Variants in GLI4 observed in about 807,000 individuals in gnomAD.
GLI4 encodes zinc finger protein GLI4.
Under a neutral mutation model 30.9 loss-of-function variants are expected in GLI4, and 34 were observed. The ratio of observed to expected loss-of-function variants is 1.10; its 90% CI spans 0.84 to 1.47. The LOEUF is 1.47. GLI4 is among the 40% of genes most tolerant of loss of function. The probability of loss-of-function intolerance (pLI) is 0.00; values close to 1 mark genes in which losing one functional copy is unlikely to be tolerated. For synonymous variants in GLI4, 277 were observed against 236.7 expected, an observed-to-expected ratio of 1.17 and a Z score of -1.56; for missense variants, 696 against 538.9, an observed-to-expected ratio of 1.29 and a Z score of -2.89.
In GLI4 at chr8:143,275,954, A is replaced by AG; in HGVS notation, c.286dup (p.Ala96GlyfsTer25). 2 of 1,330,232 alleles carry AG rather than the reference A, an allele frequency of 1.5e-6. No individual in the cohort carries two copies. The highest frequency in any genetic ancestry group is 2.0e-5 in the South Asian group (1 of 49,538). The allele number at this position is 1,330,232 out of a possible 1,614,324, so 82.4% of individuals were successfully genotyped here. On this transcript the variant is annotated frameshift_variant, in exon 4 of 4. Coordinates refer to ENST00000340042, the MANE Select transcript of GLI4 (RefSeq NM_138465.4). LOFTEE classifies it low-confidence loss of function (END_TRUNC). ...TCTCCTGGCTCTCAGGCCCCTGACGAGGGGGCGGGCGGGGCGCTGCGCAGC... is the reference window on the plus strand; with the variant it reads ...TCTCCTGGCTCTCAGGCCCCTGACGAGGGGGGCGGGCGGGGCGCTGCGCAGC...
intron 2 of GLI4, among the ~76,000 whole-genome samples, chr8:143,271,818 T>C (rs965862712): frequency 6.6e-6 from 1 of 151,926 alleles, no homozygotes; most frequent in Admixed American, 6.5e-5. Flanking sequence ...CCTGCAGCCA[T>C]GAAGCTGGGG....
intron 2 of GLI4, 33 bp downstream of exon 2, chr8:143,269,553 C>T (rs1815220210): frequency 6.3e-7 from 1 of 1,579,692 alleles, no homozygotes; most frequent in Non-Finnish European, 8.7e-7. Context: ...GCCCTCCACC[C>T]TGCATCCCCT....
rs1341897954 is a variant in GLI4, at chr8:143,269,464, G to A, written c.68G>A (p.Gly23Glu). Residue 23 changes from glycine to glutamate, a missense_variant, in exon 2 of 4, where the codon GGG (glycine) becomes GAG (glutamate). Transcript: ENST00000340042. ...TCCCCTGTCAGTCTCTCATCACCGG[G>A]GACACCTGGAACCCAGCACCACGAG... ...VPSPVSLSSP[G>E]TPGTQHHEPQ... 1 of 1,612,068 alleles carries A rather than the reference G, an allele frequency of 6.2e-7. No homozygotes were observed. Among genetic ancestry groups the A allele is most frequent in the Admixed American group, 1.7e-5 (1 of 60,008 alleles).
intron 2 of GLI4, among the ~76,000 whole-genome samples, chr8:143,271,796 TCTGCGGTGGTCC>T (rs1356338832): frequency 7.2e-5 from 11 of 152,104 alleles, no homozygotes; most frequent in Non-Finnish European, 1.5e-4. Context: ...GGTAAGGTTC[TCTGCGGTGGTCC>T]CTGCAGCCAT....
intron 1 of GLI4, chr8:143,267,774 C>G (rs1430725207): frequency 2.5e-5 from 25 of 985,246 alleles, no homozygotes; most frequent in Non-Finnish European, 2.7e-5. Context: ...CATCGCCACT[C>G]TGCAGATGGG....
chr8:143,269,603 CGCTG>C, intron 2 of GLI4, 83 bp downstream of exon 2: 1 of 1,194,290 alleles, frequency 8.4e-7, no homozygotes, highest in Non-Finnish European at 1.2e-6. Flanking sequence ...TGACCTGCCA[CGCTG>C]GCTGACTTGA....
rs901304047 is a variant in GLI4 at position 143,267,457 on chromosome 8, C to T, written c.-65C>T. On this transcript the variant is annotated 5_prime_UTR_variant, in exon 1 of 4. Coordinates refer to ENST00000340042, the MANE Select transcript of GLI4 (RefSeq NM_138465.4). ...GGCGGGGCCGGACACTTCCGTCCGGCGCGCGGCGTCCTCCTCCCGCTCGGA... is the reference window on the plus strand; with the variant it reads ...GGCGGGGCCGGACACTTCCGTCCGGTGCGCGGCGTCCTCCTCCCGCTCGGA... The T allele has an allele frequency of 2.0e-6, 2 of 985,236 alleles. No homozygotes were observed. Among genetic ancestry groups the T allele is most frequent in the Non-Finnish European group, 1.2e-6 (1 of 829,902 alleles). The allele number at this position is 985,236 out of a possible 1,614,324, so 61.0% of individuals were successfully genotyped here. A position where few individuals can be genotyped will look rare whatever the true frequency, so the allele number is the denominator to read the frequency against.
chr8:143,274,517 G>C (rs1396762925), intron 2 of GLI4, 187 bp from the exon 3 acceptor site: 1 of 461,850 alleles, frequency 2.2e-6, no homozygotes, highest in East Asian at 3.5e-5. Context: ...CTCTTGAACC[G>C]AGCTGGGAAG....
At chr8:143,268,351 G>C (rs1815186650) in intron 1 of GLI4, among the ~76,000 whole-genome samples, 2 of 152,198 alleles carry the variant, frequency 1.3e-5, no homozygotes, top group African/African-American at 4.8e-5. Flanking sequence ...CCCTGCCCCA[G>C]ATTAGGAGTT....
chr8:143,275,405 G>C, intron 3 of GLI4: 2 of 1,395,844 alleles, frequency 1.4e-6, no homozygotes, highest in Non-Finnish European at 1.9e-6. Context: ...ATTTGCGTGG[G>C]AAGCTCCTGG....
intron 2 of GLI4, 35 bp from the exon 3 acceptor site, chr8:143,274,668 AG>A: frequency 6.6e-7 from 1 of 1,523,408 alleles, no homozygotes; most frequent in South Asian, 1.2e-5. Flanking sequence ...AGTGGTCCAG[AG>A]GGTGGAGGTG....
At chr8:143,272,086 T>C (rs1262978909) in intron 2 of GLI4, among the ~76,000 whole-genome samples, 2 of 152,144 alleles carry the variant, frequency 1.3e-5, no homozygotes, top group Non-Finnish European at 2.9e-5. Context: ...CCAGGGGTCC[T>C]GCGAGTGGAG....
intron 3 of GLI4, 33 bp downstream of exon 3, chr8:143,274,835 A>G: frequency 6.5e-7 from 1 of 1,530,204 alleles, no homozygotes; most frequent in Non-Finnish European, 8.9e-7. Context: ...CTGGGGGACC[A>G]GAGCTCTGCG....
chr8:143,268,205 G>A, intron 1 of GLI4: 2 of 563,142 alleles, frequency 3.6e-6, no homozygotes, highest in Non-Finnish European at 4.5e-6. Flanking sequence ...GATGGAGGCT[G>A]GCCCAGAAGC....
At chr8:143,275,396 T>C in intron 3 of GLI4, 1 of 1,395,520 alleles carries the variant, frequency 7.2e-7, no homozygotes, top group Non-Finnish European at 9.3e-7. Context: ...GGGCCAGAGA[T>C]TTGCGTGGGA....
chr8:143,272,484 C>G (rs1815292394), intron 2 of GLI4: 1 of 152,386 alleles, frequency 6.6e-6, no homozygotes, highest in Non-Finnish European at 1.5e-5. Flanking sequence ...GGTGGGCAGC[C>G]CTGGTGTTTC....
At chr8:143,273,037 C>G (rs1815304303) in intron 2 of GLI4, 1 of 152,264 alleles carries the variant, frequency 6.6e-6, no homozygotes, top group African/African-American at 2.4e-5. Context: ...CTGTCAGTGC[C>G]AGGGCATGGC....
chr8:143,269,992 C>G (rs1039323489), intron 2 of GLI4, among the ~76,000 whole-genome samples: 1 of 152,226 alleles, frequency 6.6e-6, no homozygotes, highest in African/African-American at 2.4e-5. Context: ...GGTCACATGG[C>G]AGGCTCTGGG....
Position 143,276,118 on chromosome 8 carries a change from C to G in GLI4, c.445C>G (p.Gln149Glu). Residue 149 changes from glutamine to glutamate, a missense_variant, in exon 4 of 4, where the codon CAG becomes GAG. Gln to Glu is a conservative substitution (Grantham distance 29). Transcript: ENST00000340042. ...PRGAWRVTLV[Q>E]QAAAGPEGAP... ...GGGCGCCTGGCGCGTGACGCTCGTG[C>G]AGCAAGCAGCGGCCGGGCCCGAGGG... is the stretch of plus-strand genomic sequence containing the variant. The G allele has an allele frequency of 6.6e-7, 1 of 1,508,782 alleles. No homozygotes were observed. The highest frequency in any genetic ancestry group is 1.3e-5 in the South Asian group (1 of 78,148). The allele number at this position is 1,508,782 out of a possible 1,614,324, so 93.5% of individuals were successfully genotyped here.
Sources: gnomAD v4.1 joint callset for allele counts (sites outside exome capture counted in the v4.1 genomes callset) on GRCh38, gnomAD v4.1.1 for gene constraint, MANE v1.5 for transcripts, NCBI Gene and HGNC (gene_info 2026-07-23, HGNC 2026-07-21) for gene names.